Variants in GSE1 observed in about 807,000 individuals in gnomAD.
The protein encoded by GSE1 is genetic suppressor element 1.
A neutral mutation model predicts 112.6 loss-of-function variants in GSE1; 32 were observed. The observed-to-expected ratio is 0.28, with a 90% CI of 0.21 to 0.38. GSE1 has a LOEUF of 0.38. Among genes scored for constraint, GSE1 ranks in the 10% least tolerant of loss-of-function variants. The pLI, the probability that GSE1 is intolerant of heterozygous loss-of-function variation, is 1.00. For synonymous variants in GSE1, 1,115 were observed against 735.6 expected, an observed-to-expected ratio of 1.52 and a Z score of -8.35; for missense variants, 2,348 against 1,699.2, an observed-to-expected ratio of 1.38 and a Z score of -6.71.
At chr16:85,626,266 T>C (rs1333109443) in intron 1 of GSE1, among the ~76,000 whole-genome samples, 1 of 152,198 alleles carries the variant, frequency 6.6e-6, no homozygotes, top group Non-Finnish European at 1.5e-5. Flanking sequence ...CCACTGAGCT[T>C]GGAGCACGTG....
chr16:85,615,581 G>C (rs1335020197), intron 1 of GSE1, among the ~76,000 whole-genome samples: 1 of 152,200 alleles, frequency 6.6e-6, no homozygotes, highest in Non-Finnish European at 1.5e-5. Context: ...AGCCTCCGGT[G>C]ACCTAGGGTC....
chr16:85,221,205 G>C (rs942653711), intron 1 of GSE1, among the ~76,000 whole-genome samples: 1 of 152,016 alleles, frequency 6.6e-6, no homozygotes, highest in African/African-American at 2.4e-5. Flanking sequence ...TGTCCCTCCC[G>C]TGCTGGGCGG....
chr16:85,637,180 C>G (rs1408025007), intron 2 of GSE1, among the ~76,000 whole-genome samples: 1 of 152,226 alleles, frequency 6.6e-6, no homozygotes, highest in Admixed American at 6.5e-5. Flanking sequence ...AGCTCCCACG[C>G]CCTCCCCCAG....
At chr16:85,295,589 G>A (rs941455808) in intron 1 of GSE1, among the ~76,000 whole-genome samples, 2 of 152,100 alleles carry the variant, frequency 1.3e-5, no homozygotes, top group Non-Finnish European at 2.9e-5. Context: ...TGTCACTTCT[G>A]TTGCACTCTC....
chr16:85,398,371 C>G (rs182924396), intron 2 of GSE1, among the ~76,000 whole-genome samples: 1 of 152,142 alleles, frequency 6.6e-6, no homozygotes, highest in Non-Finnish European at 1.5e-5. Context: ...CCCAGTCCCT[C>G]CTGAGCAGGA....
At chr16:85,616,927 G>A (rs558956126) in intron 1 of GSE1, among the ~76,000 whole-genome samples, 7 of 152,266 alleles carry the variant, frequency 4.6e-5, no homozygotes, top group South Asian at 2.1e-4. Context: ...GTGGCCAAAA[G>A]CAGCCCTTTG....
chr16:85,447,618 C>T (rs1166515325), intron 2 of GSE1, among the ~76,000 whole-genome samples: 1 of 152,194 alleles, frequency 6.6e-6, no homozygotes, highest in African/African-American at 2.4e-5. Flanking sequence ...CTCACAGCAA[C>T]CCTGTGAGGT....
chr16:85,441,777 C>T (rs757177388), intron 2 of GSE1, among the ~76,000 whole-genome samples: 33 of 152,212 alleles, frequency 2.2e-4, no homozygotes, highest in Non-Finnish European at 4.6e-4. Context: ...GGATTGATGG[C>T]AGTGGGCTCC....
chr16:85,593,197 G>T (rs976243404), intron 1 of GSE1: 10 of 152,282 alleles, frequency 6.6e-5, no homozygotes, highest in Admixed American at 5.2e-4. Context: ...CATTGTGGTG[G>T]CTGCCGCCTA....
intron 1 of GSE1, among the ~76,000 whole-genome samples, chr16:85,332,851 C>A (rs1372912069): frequency 6.6e-6 from 1 of 152,084 alleles, no homozygotes; most frequent in Non-Finnish European, 1.5e-5. Context: ...GCCCAGGGGC[C>A]AGGCCGTGTG....
intron 1 of GSE1, among the ~76,000 whole-genome samples, chr16:85,191,310 T>C (rs1197324204): frequency 6.6e-6 from 1 of 152,210 alleles, no homozygotes; most frequent in Non-Finnish European, 1.5e-5. Context: ...ATATAAAATA[T>C]TGCAGCTTTA....
intron 2 of GSE1, among the ~76,000 whole-genome samples, chr16:85,504,233 C>T (rs567465168): frequency 6.6e-6 from 1 of 152,224 alleles, no homozygotes; most frequent in Non-Finnish European, 1.5e-5. Flanking sequence ...TCCCTGAGGG[C>T]CACCCCCAAA....
chr16:85,272,106 C>A (rs1057443790), intron 1 of GSE1, among the ~76,000 whole-genome samples: 1 of 152,260 alleles, frequency 6.6e-6, no homozygotes, highest in South Asian at 2.1e-4. Flanking sequence ...TTCCCATCAT[C>A]GTCACCATGC....
chr16:85,304,618 C>A (rs887834738), intron 1 of GSE1, among the ~76,000 whole-genome samples: 5 of 143,406 alleles, frequency 3.5e-5, no homozygotes, highest in African/African-American at 1.2e-4. Context: ...GTGGGGCATC[C>A]CTTTTGCCTT....
chr16:85,586,711 C>T (rs113033115), intron 1 of GSE1, among the ~76,000 whole-genome samples: 8 of 152,278 alleles, frequency 5.3e-5, no homozygotes, highest in South Asian at 2.1e-4. Context: ...TGAGAGCAGC[C>T]GTGTGAGACC....
At chr16:85,170,672 A>C in exon 1 of GSE1, 1 of 985,692 alleles carries the variant, frequency 1.0e-6, no homozygotes, top group Non-Finnish European at 1.2e-6. Context: ...TCGCACCACC[A>C]GGTCCACGTG....
intron 1 of GSE1, among the ~76,000 whole-genome samples, chr16:85,182,907 G>T (rs545285107): frequency 6.6e-6 from 1 of 151,884 alleles, no homozygotes; most frequent in South Asian, 2.1e-4. Flanking sequence ...TCGCACACAC[G>T]CACCTTGCAC....
rs1272245426 is a variant in GSE1, at chr16:85,175,508, C to T, written c.2283+3701C>T. ...GTCTGGGCCTTGGAACCGAGTGAGCCGGCCTGGGTGAGAGCGCCTGGCTCG... is the reference window on the plus strand; with the variant it reads ...GTCTGGGCCTTGGAACCGAGTGAGCTGGCCTGGGTGAGAGCGCCTGGCTCG... On this transcript the variant is annotated intron_variant, in intron 1 of 2. Coordinates refer to the GSE1 transcript ENST00000637419. 4.6e-5 allele frequency among the ~76,000 whole-genome samples: 7 copies of T among 152,218 alleles called. No individual in the cohort carries two copies. The East Asian group carries it at 7.7e-4, about 17-fold the overall frequency.
chr16:85,390,835 G>A (rs1438781895), intron 2 of GSE1, among the ~76,000 whole-genome samples: 1 of 152,008 alleles, frequency 6.6e-6, no homozygotes, highest in East Asian at 1.9e-4. Flanking sequence ...TTAAGCAAAG[G>A]TTATTGGACT....
Sources: allele counts gnomAD v4.1 joint callset (sites outside exome capture counted in the v4.1 genomes callset), GRCh38; gene constraint gnomAD v4.1.1; transcripts MANE v1.5; gene names NCBI Gene and HGNC (gene_info 2026-07-23, HGNC 2026-07-21).